The following PYGB variants were observed in gnomAD, a reference collection of about 807,000 sequenced individuals.
The protein encoded by PYGB is glycogen phosphorylase, brain form.
Under a neutral mutation model 94.3 loss-of-function variants are expected in PYGB, and 82 were observed. That is an observed-to-expected ratio of 0.87 (90% CI 0.73 to 1.04). The LOEUF is 1.04. Among genes scored for constraint, PYGB ranks in the 50% least tolerant of loss-of-function variants. The pLI is 0.00. For missense variants in PYGB, 1,132 were observed against 1,158.2 expected, an observed-to-expected ratio of 0.98 and a Z score of 0.33; for synonymous variants, 488 against 479.1, an observed-to-expected ratio of 1.02 and a Z score of -0.24.
intron 10 of PYGB, 60 bp downstream of exon 10, chr20:25,280,472 C>A (rs974723489): frequency 3.2e-6 from 5 of 1,576,936 alleles, no homozygotes; most frequent in African/African-American, 1.3e-5. Context: ...AACGGCCCCC[C>A]ACCTGGCCTG....
At chr20:25,277,971 C>T (rs557127358) in intron 7 of PYGB, among the ~76,000 whole-genome samples, 6 of 152,312 alleles carry the variant, frequency 3.9e-5, no homozygotes, top group South Asian at 2.1e-4. Flanking sequence ...GCCTGGGTGC[C>T]GGAAGGCTCA....
intron 2 of PYGB, among the ~76,000 whole-genome samples, chr20:25,267,313 A>G (rs2088226785): frequency 6.6e-6 from 1 of 152,146 alleles, no homozygotes; most frequent in Non-Finnish European, 1.5e-5. Context: ...ATGACTGCTG[A>G]TGGGCACGGG....
At chr20:25,278,522 A>G in intron 8 of PYGB, 60 bp downstream of exon 8, 1 of 1,594,284 alleles carries the variant, frequency 6.3e-7, no homozygotes, top group Non-Finnish European at 8.6e-7. Context: ...CAGGCTCTTG[A>G]GGTTGCTTTC....
At chr20:25,292,265 T>G in intron 16 of PYGB, 141 bp from the exon 17 acceptor site, 2 of 958,384 alleles carry the variant, frequency 2.1e-6, no homozygotes, top group Admixed American at 2.5e-5. Context: ...GGAGCGGGAG[T>G]GGGGGCTGGA....
rs1345409795 is a variant in PYGB at position 25,248,365 on chromosome 20, C to T, written c.187C>T (p.His63Tyr). ...FFALAHTVRD[H>Y]LVGRWIRTQQ... ...CGCGCTGGCGCACACGGTGCGCGAC[C>T]ACCTCGTGGGCCGCTGGATCCGCAC... Residue 63 changes from histidine to tyrosine, a missense_variant, in exon 1 of 20, where the codon CAC becomes TAC. Coordinates refer to ENST00000216962, the MANE Select transcript of PYGB (RefSeq NM_002862.4). 2 of 1,597,180 alleles carry T rather than the reference C, an allele frequency of 1.3e-6. No homozygotes were observed. The highest frequency in any genetic ancestry group is 4.6e-5 in the East Asian group (2 of 43,370).
intron 2 of PYGB, among the ~76,000 whole-genome samples, chr20:25,260,038 G>A (rs964641224): frequency 1.3e-5 from 2 of 152,094 alleles, no homozygotes; most frequent in African/African-American, 4.8e-5. Flanking sequence ...GAGGAGTGGG[G>A]GTGTTTTGTT....
intron 6 of PYGB, among the ~76,000 whole-genome samples, chr20:25,277,023 T>C (rs1299827399): frequency 6.6e-6 from 1 of 151,404 alleles, no homozygotes; most frequent in African/African-American, 2.4e-5. Flanking sequence ...CATGTGCCCC[T>C]GGGGAGGAGT....
intron 14 of PYGB, among the ~76,000 whole-genome samples, chr20:25,287,673 CA>C (rs1220487659): frequency 1.3e-5 from 2 of 151,336 alleles, no homozygotes; most frequent in African/African-American, 4.9e-5. Flanking sequence ...CAAACAACAA[CA>C]AAAAAAACCC....
chr20:25,277,185 G>T, intron 6 of PYGB, 59 bp from the exon 7 acceptor site: 4 of 1,357,416 alleles, frequency 2.9e-6, no homozygotes, highest in Non-Finnish European at 4.2e-6. Flanking sequence ...GCCCCTGAGC[G>T]GTTGCAGTGC....
At chr20:25,280,160 T>C in intron 9 of PYGB, 106 bp from the exon 10 acceptor site, 3 of 1,377,872 alleles carry the variant, frequency 2.2e-6, no homozygotes, top group Non-Finnish European at 3.0e-6. Flanking sequence ...CTTCCTGGGG[T>C]ACCCAGCATC....
At chr20:25,276,369 A>G (rs1450253838) in intron 5 of PYGB, among the ~76,000 whole-genome samples, 1 of 152,104 alleles carries the variant, frequency 6.6e-6, no homozygotes, top group African/African-American at 2.4e-5. Context: ...AGTCAAAGCC[A>G]TTCCTGAGGA....
intron 16 of PYGB, 43 bp downstream of exon 16, chr20:25,290,665 C>G: frequency 6.3e-7 from 1 of 1,583,890 alleles, no homozygotes; most frequent in East Asian, 2.3e-5. Context: ...TCACTCCTGC[C>G]GGGGAACGGG....
intron 13 of PYGB, among the ~76,000 whole-genome samples, 187 bp downstream of exon 13, chr20:25,283,464 C>A (rs2088387823): frequency 6.6e-6 from 1 of 152,202 alleles, no homozygotes; most frequent in Admixed American, 6.5e-5. Flanking sequence ...CCCCACTCAG[C>A]CTTTCAGATG....
chr20:25,281,026 G>T lies in PYGB; in HGVS notation c.1317G>T (p.Arg439=). The part of the protein sequence containing the change: ...MSVIEEGDCK[R]INMAHLCVIG... The stretch of plus-strand genomic sequence containing the variant: ...TGATCGAGGAGGGGGACTGCAAGCG[G>T]ATCAACATGGCCCACCTGTGTGTGA... The change falls in exon 11 of 20, where the codon CGG becomes CGT. Residue 439 remains arginine (R), a synonymous_variant. Transcript: ENST00000216962. The T allele has an allele frequency of 3.1e-6, 5 of 1,614,228 alleles. No individual in the cohort carries two copies. Among genetic ancestry groups the T allele is most frequent in the Non-Finnish European group, 4.2e-6 (5 of 1,180,036 alleles).
At position 25,283,199 on chromosome 20, in the gene PYGB, T is replaced by G. The variant is rs1026333853; in HGVS notation, c.1542T>G (p.Thr514=). ...IVEKIGEEFL[T]DLSQLKKLLP... ...AGAAAATTGGGGAGGAGTTCCTGAC[T>G]GACCTGAGCCAGCTGAAGAAGCTGC... Residue 514 remains threonine (T), a synonymous_variant, in exon 13 of 20, where the codon ACT becomes ACG. Transcript: ENST00000216962. 3.7e-6 allele frequency: 6 copies of G among 1,613,652 alleles called. No homozygotes were observed. The highest frequency in any genetic ancestry group is 5.1e-6 in the Non-Finnish European group (6 of 1,179,778).
At position 25,296,881 on chromosome 20, in the gene PYGB, A is replaced by T. The variant is rs1348660973; in HGVS notation, c.*359A>T. ...GTATTAGCCGATGTCTTTAGTGTTGAGCCTCTGGATTCTGGGGTCTGGGCC... is the reference window on the plus strand; with the variant it reads ...GTATTAGCCGATGTCTTTAGTGTTGTGCCTCTGGATTCTGGGGTCTGGGCC... On this transcript the variant is annotated 3_prime_UTR_variant, in exon 20 of 20. Transcript: ENST00000216962. 4.7e-6 allele frequency: 1 copy of T among 210,726 alleles called. No homozygotes were observed. The highest frequency in any genetic ancestry group is 9.5e-6 in the Non-Finnish European group (1 of 104,810). The allele number at this position is 210,726 out of a possible 1,614,324, so 13.1% of individuals were successfully genotyped here.
chr20:25,290,672 C>T (rs199890034), intron 16 of PYGB, 50 bp downstream of exon 16: 87 of 1,583,004 alleles, frequency 5.5e-5, no homozygotes, highest in Middle Eastern at 1.7e-4. Flanking sequence ...TGCCGGGGAA[C>T]GGGCGTTGTA....
rs140823003 is a variant in PYGB at position 25,279,675 on chromosome 20, T to C, written c.1092+526T>C. ...GGAAGTTAGAGACCAGCCTGGGCAA[T>C]ACAGCAAGACCCCACCTCTAAAAAA... is the stretch of plus-strand genomic sequence containing the variant. On this transcript the variant is annotated intron_variant, in intron 9 of 19. Coordinates refer to ENST00000216962, the MANE Select transcript of PYGB (RefSeq NM_002862.4). 2.0e-3 allele frequency among the ~76,000 whole-genome samples: 308 copies of C among 151,982 alleles called. 2 individuals carry two copies. Among genetic ancestry groups the C allele is most frequent in the Middle Eastern group, 0.014 (4 of 294 alleles).
chr20:25,281,230 C>T (rs557617714), intron 11 of PYGB, 118 bp downstream of exon 11: 5 of 1,340,810 alleles, frequency 3.7e-6, no homozygotes, highest in Middle Eastern at 2.0e-4. Flanking sequence ...GCCACTAGGC[C>T]CCTGCCTCCA....
Sources: allele counts gnomAD v4.1 joint callset (sites outside exome capture counted in the v4.1 genomes callset), GRCh38; gene constraint gnomAD v4.1.1; transcripts MANE v1.5; gene names NCBI Gene and HGNC (gene_info 2026-07-23, HGNC 2026-07-21).